Variants in PIK3R5 observed in about 807,000 individuals in gnomAD.
PIK3R5 encodes the protein phosphoinositide-3-kinase regulatory subunit 5.
In PIK3R5, 32 loss-of-function variants were observed where a neutral mutation model predicts 94.9. That is an observed-to-expected ratio of 0.34 (90% CI 0.25 to 0.45). PIK3R5 has a LOEUF of 0.45. PIK3R5 is among the 20% of genes least tolerant of loss of function. The pLI, the probability that PIK3R5 is intolerant of heterozygous loss-of-function variation, is 1.00. For synonymous variants in PIK3R5, 443 were observed against 479.4 expected (o/e 0.92, Z 0.99); for missense variants, 853 against 1,144.6 (o/e 0.75, Z 3.68).
intron 1 of PIK3R5, among the ~76,000 whole-genome samples, chr17:8,938,986 C>T (rs1372320232): frequency 1.3e-5 from 2 of 152,142 alleles, no homozygotes; most frequent in Admixed American, 1.3e-4. Flanking sequence ...AAAGAGAATC[C>T]TGCTTGAGTC....
At position 8,909,479 on chromosome 17, in the gene PIK3R5, G is replaced by T. The variant is rs2090476666; in HGVS notation, c.104-305C>A. ...TAATTTTTGTATTTTAGTAGAGATG[G>T]GGTTTCACCATGTTGGCCAAGATGG... On this transcript the variant is annotated intron_variant, in intron 2 of 18. Transcript: ENST00000447110. The surrounding 1 kb of genome is among the most constrained non-coding windows in gnomAD (Gnocchi z 4.3). Among the ~76,000 whole-genome samples the T allele has an allele frequency of 1.3e-5, 2 of 152,136 alleles. No homozygotes were observed. Among genetic ancestry groups the T allele is most frequent in the Admixed American group, 1.3e-4 (2 of 15,278 alleles).
intron 1 of PIK3R5, among the ~76,000 whole-genome samples, chr17:8,929,951 A>G (rs1461264957): frequency 1.3e-5 from 2 of 152,218 alleles, no homozygotes; most frequent in Non-Finnish European, 2.9e-5. Context: ...CTGTACCCCA[A>G]AAGCGATCGA....
At chr17:8,886,121 C>T in intron 14 of PIK3R5, 108 bp downstream of exon 14, 2 of 834,476 alleles carry the variant, frequency 2.4e-6, no homozygotes, top group Non-Finnish European at 3.9e-6. Flanking sequence ...CCTGTGCAAC[C>T]CCACCTTCCC....
Position 8,881,031 on chromosome 17 carries a change from C to G in PIK3R5, c.2383-14G>C. The G allele has an allele frequency of 6.3e-7, 1 of 1,598,716 alleles. No individual in the cohort carries two copies. The highest frequency in any genetic ancestry group is 8.6e-7 in the Non-Finnish European group (1 of 1,166,026). On this transcript the variant is annotated splice_polypyrimidine_tract_variant and intron_variant, in intron 17 of 18. Coordinates refer to ENST00000447110, the MANE Select transcript of PIK3R5 (RefSeq NM_001142633.3). The surrounding 1 kb of genome is among the most constrained non-coding windows in gnomAD (Gnocchi z 4.8). Reference sequence around the variant, plus strand: ...CGATGTGCTAATCTGGAAGGAAGGCCCAGGTCAGCCCCAAATCCCTGGCCA... The same window carrying G: ...CGATGTGCTAATCTGGAAGGAAGGCGCAGGTCAGCCCCAAATCCCTGGCCA...
Position 8,911,557 on chromosome 17 carries a change from A to G in PIK3R5, c.-13-50T>C, listed in dbSNP as rs1033585840. 1.2e-5 allele frequency: 15 copies of G among 1,251,238 alleles called. No individual in the cohort carries two copies. The highest frequency in any genetic ancestry group is 1.7e-5 in the Non-Finnish European group (15 of 876,154). 77.5% of individuals were successfully genotyped at this position (1,251,238 alleles called of 1,614,324 possible). A position where few individuals can be genotyped will look rare whatever the true frequency, so the allele number is the denominator to read the frequency against. ...AGCTTGTCGAGCTCCTTTCCCAGAG[A>G]GCACCTGGTCCAGTAAAGACAACAG... On this transcript the variant is annotated intron_variant, in intron 1 of 18. Transcript: ENST00000447110. The surrounding 1 kb of genome is among the most constrained non-coding windows in gnomAD (Gnocchi z 5.3).
At chr17:8,950,969 T>C (rs565200299) in intron 1 of PIK3R5, among the ~76,000 whole-genome samples, 70 of 152,322 alleles carry the variant, frequency 4.6e-4, no homozygotes, top group Middle Eastern at 3.4e-3. Flanking sequence ...CTGTTGTTTT[T>C]TGGCTTTTCA....
At chr17:8,923,420 G>A (rs1487082406) in intron 1 of PIK3R5, among the ~76,000 whole-genome samples, 1 of 152,186 alleles carries the variant, frequency 6.6e-6, no homozygotes, top group Admixed American at 6.5e-5. Context: ...ATCCATGTGA[G>A]GTAGACACTC....
rs1159345234 is a variant in PIK3R5, at chr17:8,880,586, G to T, written c.*53C>A. On this transcript the variant is annotated 3_prime_UTR_variant, in exon 19 of 19. Transcript: ENST00000447110. Reference sequence around the variant, plus strand: ...CACAGAGAGGGACTGTCCTGGAGGGGTGGCCGAGGAGGTTGCCCCAGGGCT... The same window carrying T: ...CACAGAGAGGGACTGTCCTGGAGGGTTGGCCGAGGAGGTTGCCCCAGGGCT... The T allele has an allele frequency of 6.6e-6, 10 of 1,514,430 alleles. No homozygotes were observed. Among genetic ancestry groups the T allele is most frequent in the Non-Finnish European group, 8.9e-6 (10 of 1,128,168 alleles). 93.8% of individuals were successfully genotyped at this position (1,514,430 alleles called of 1,614,324 possible). A position where few individuals can be genotyped will look rare whatever the true frequency, so the allele number is the denominator to read the frequency against.
intron 1 of PIK3R5, among the ~76,000 whole-genome samples, chr17:8,920,837 T>C (rs1247453211): frequency 2.0e-5 from 3 of 149,330 alleles, no homozygotes; most frequent in Non-Finnish European, 2.9e-5. Context: ...TTTTCTTTTT[T>C]CTTTTTCTTT....
At chr17:8,905,828 TTTC>T in intron 3 of PIK3R5, 91 bp from the exon 4 acceptor site, 3 of 624,908 alleles carry the variant, frequency 4.8e-6, no homozygotes, top group East Asian at 3.5e-5. Context: ...CATTCTAGCC[TTTC>T]TTTTTTTTTT....
intron 1 of PIK3R5, among the ~76,000 whole-genome samples, chr17:8,941,846 C>T (rs1041167627): frequency 6.6e-6 from 1 of 152,242 alleles, no homozygotes. Context: ...CTGCCTGCTG[C>T]ATTAATGCAG....
At chr17:8,936,682 T>C (rs1164270327) in intron 1 of PIK3R5, among the ~76,000 whole-genome samples, 2 of 152,256 alleles carry the variant, frequency 1.3e-5, no homozygotes, top group South Asian at 2.1e-4. Flanking sequence ...CAGGTCTTAG[T>C]AAGTTAGTAA....
At chr17:8,912,821 G>A (rs2090554509) in intron 1 of PIK3R5, among the ~76,000 whole-genome samples, 1 of 152,220 alleles carries the variant, frequency 6.6e-6, no homozygotes, top group African/African-American at 2.4e-5. Flanking sequence ...CCCCAGCCTG[G>A]GAGGCACCAC....
intron 1 of PIK3R5, among the ~76,000 whole-genome samples, chr17:8,931,037 G>A (rs1383394028): frequency 1.3e-5 from 2 of 151,972 alleles, no homozygotes; most frequent in African/African-American, 2.4e-5. Flanking sequence ...CTGAGAAAAG[G>A]GTACAAAGGA....
intron 1 of PIK3R5, among the ~76,000 whole-genome samples, chr17:8,941,145 G>C (rs1349324211): frequency 6.6e-6 from 1 of 152,212 alleles, no homozygotes; most frequent in East Asian, 1.9e-4. Flanking sequence ...ACTGTGCAGA[G>C]ACCACTTTGC....
At position 8,880,441 on chromosome 17, in the gene PIK3R5, C is replaced by T; in HGVS notation, c.*198G>A. On this transcript the variant is annotated 3_prime_UTR_variant, in exon 19 of 19. Coordinates refer to ENST00000447110, the MANE Select transcript of PIK3R5 (RefSeq NM_001142633.3). Reference sequence around the variant, plus strand: ...AGAGGCTATGGGGTCTGGCCCTTCTCTCTCTGATAGCTGTTGCTTTCCCAG... The same window carrying T: ...AGAGGCTATGGGGTCTGGCCCTTCTTTCTCTGATAGCTGTTGCTTTCCCAG... The T allele has an allele frequency of 1.9e-6, 1 of 521,740 alleles. No homozygotes were observed. The highest frequency in any genetic ancestry group is 3.3e-6 in the Non-Finnish European group (1 of 300,176). The allele number at this position is 521,740 out of a possible 1,614,324, so 32.3% of individuals were successfully genotyped here.
intron 1 of PIK3R5, among the ~76,000 whole-genome samples, chr17:8,928,171 T>C (rs770401926): frequency 6.6e-6 from 1 of 152,034 alleles, no homozygotes; most frequent in Non-Finnish European, 1.5e-5. Context: ...AGACAAAAGG[T>C]CTAACATTCA....
intron 12 of PIK3R5, 140 bp downstream of exon 12, chr17:8,886,956 C>T (rs748699724): frequency 2.1e-4 from 205 of 990,036 alleles, no homozygotes; most frequent in Non-Finnish European, 2.3e-4. Flanking sequence ...TGCTTCTCAC[C>T]CACACTCCCT....
Position 8,911,846 on chromosome 17 carries a change from T to G in PIK3R5, c.-13-339A>C, listed in dbSNP as rs2090533104. The stretch of plus-strand genomic sequence containing the variant: ...AGGGAGTGGTCAGACCCCAGTGGGC[T>G]GGGCAGGAAGATCCTGAGGGGAAAA... On this transcript the variant is annotated intron_variant, in intron 1 of 18. Transcript: ENST00000447110. The surrounding 1 kb of genome is among the most constrained non-coding windows in gnomAD (Gnocchi z 5.3). 5.4e-6 allele frequency: 1 copy of G among 184,214 alleles called. No individual in the cohort carries two copies. The highest frequency in any genetic ancestry group is 1.1e-5 in the Non-Finnish European group (1 of 88,498). The allele number at this position is 184,214 out of a possible 1,614,324, so 11.4% of individuals were successfully genotyped here.
Sources: gnomAD v4.1 joint callset for allele counts (sites outside exome capture counted in the v4.1 genomes callset) on GRCh38, gnomAD v4.1.1 for gene constraint, Gnocchi (gnomAD v3.1) non-coding constraint, MANE v1.5 for transcripts, NCBI Gene and HGNC (gene_info 2026-07-23, HGNC 2026-07-21) for gene names.